The following NRG1 variants were observed in gnomAD, a reference collection of about 807,000 sequenced individuals.
The protein encoded by NRG1 is pro-neuregulin-1, membrane-bound isoform.
A neutral mutation model predicts 63.8 loss-of-function variants in NRG1; 18 were observed. The ratio of observed to expected loss-of-function variants is 0.28; its 90% confidence interval spans 0.19 to 0.42. The LOEUF (loss-of-function observed/expected upper bound fraction) is 0.42. Ranked by LOEUF, NRG1 falls within the 10% of genes least tolerant of loss-of-function variation. The pLI is 1.00. For synonymous variants in NRG1, 302 were observed against 301.3 expected, an observed-to-expected ratio of 1.00 and a Z score of -0.02; for missense variants, 762 against 814.7, an observed-to-expected ratio of 0.94 and a Z score of 0.79.
chr8:32,696,160 T>C (rs1813239722), intron 5 of NRG1, among the ~76,000 whole-genome samples: 1 of 152,186 alleles, frequency 6.6e-6, no homozygotes, highest in Non-Finnish European at 1.5e-5. Context: ...AAGGAAAATA[T>C]CTTCATCAAA....
chr8:32,348,498 TTTA>T (rs1805190577), intron 1 of NRG1, among the ~76,000 whole-genome samples: 1 of 152,210 alleles, frequency 6.6e-6, no homozygotes, highest in African/African-American at 2.4e-5. Context: ...CTGTGCATGA[TTTA>T]TTTTCTTTCT....
intron 1 of NRG1, among the ~76,000 whole-genome samples, chr8:32,542,344 C>CCAT (rs558751198): frequency 7.0e-4 from 106 of 152,068 alleles, no homozygotes; most frequent in African/African-American, 2.0e-3. Context: ...ATGCCCAGTA[C>CCAT]CATCATCATC....
chr8:32,501,330 A>G (rs1827826769), intron 1 of NRG1, among the ~76,000 whole-genome samples: 1 of 152,228 alleles, frequency 6.6e-6, no homozygotes, highest in African/African-American at 2.4e-5. Flanking sequence ...ATGATTTCTG[A>G]AAAATCAAAA....
At position 31,854,679 on chromosome 8, in the gene NRG1, T is replaced by C. The variant is rs576464738; in HGVS notation, c.37+215248T>C. Among the ~76,000 whole-genome samples, 55 of 152,286 alleles carry C rather than the reference T, an allele frequency of 3.6e-4. No individual in the cohort carries two copies. In the Middle Eastern group the frequency reaches 0.024, roughly 66 times the overall value. ...CTTTTGAATGTGTTTGCTCTTGCTT[T>C]TCTAGTTCCTTTAATTGTGATGTTA... On this transcript the variant is annotated intron_variant, in intron 1 of 10. Coordinates refer to the NRG1 transcript ENST00000519301.
chr8:31,917,559 G>A (rs1398303341), intron 1 of NRG1, among the ~76,000 whole-genome samples: 19 of 151,782 alleles, frequency 1.3e-4, no homozygotes, highest in East Asian at 3.9e-4. Context: ...TGTTCCATTG[G>A]TCTATATCTC....
chr8:32,326,415 C>T (rs1353479468), intron 1 of NRG1, among the ~76,000 whole-genome samples: 1 of 151,504 alleles, frequency 6.6e-6, no homozygotes, highest in Non-Finnish European at 1.5e-5. Context: ...GGGCTCAAGC[C>T]ATTCTCCCAT....
At chr8:32,028,177 T>A (rs1014534618) in intron 1 of NRG1, among the ~76,000 whole-genome samples, 3 of 152,140 alleles carry the variant, frequency 2.0e-5, no homozygotes, top group African/African-American at 7.2e-5. Flanking sequence ...GCTCTCATGG[T>A]TAGGGAAAGA....
chr8:31,976,937 C>T (rs1808290645), intron 1 of NRG1, among the ~76,000 whole-genome samples: 1 of 152,122 alleles, frequency 6.6e-6, no homozygotes, highest in Admixed American at 6.6e-5. Context: ...AAAATAGAGA[C>T]ATATTATTAC....
At chr8:32,077,376 A>C (rs201906829) in intron 1 of NRG1, among the ~76,000 whole-genome samples, 4 of 152,138 alleles carry the variant, frequency 2.6e-5, no homozygotes, top group Admixed American at 2.6e-4. Flanking sequence ...CCTCCCCCCC[A>C]AAAAATTGTT....
intron 1 of NRG1, among the ~76,000 whole-genome samples, chr8:31,704,840 A>G (rs867631448): frequency 1.3e-5 from 2 of 151,782 alleles, no homozygotes; most frequent in African/African-American, 2.4e-5. Context: ...TAAAAAAAAA[A>G]AAAAAAAAAG....
intron 1 of NRG1, among the ~76,000 whole-genome samples, chr8:31,739,037 T>C (rs1332769820): frequency 6.6e-6 from 1 of 152,128 alleles, no homozygotes; most frequent in African/African-American, 2.4e-5. Flanking sequence ...GTGTGTGTGG[T>C]GTGCACGTAT....
intron 1 of NRG1, among the ~76,000 whole-genome samples, chr8:32,168,328 T>G (rs1467418205): frequency 6.6e-6 from 1 of 152,200 alleles, no homozygotes. Flanking sequence ...CATGGGGATA[T>G]ATTACTGGTC....
chr8:31,650,381 A>G (rs1054330986), intron 1 of NRG1, among the ~76,000 whole-genome samples: 3 of 152,168 alleles, frequency 2.0e-5, no homozygotes, highest in Admixed American at 6.5e-5. Context: ...CTTAGCCTCA[A>G]TAAAGCCTTA....
intron 7 of NRG1, among the ~76,000 whole-genome samples, chr8:32,752,764 T>G (rs1828981278): frequency 6.6e-6 from 1 of 152,194 alleles, no homozygotes; most frequent in African/African-American, 2.4e-5. Flanking sequence ...CCTCCAACCC[T>G]TTTGATTTGT....
At chr8:32,647,729 T>A in intron 5 of NRG1, 2 of 1,568,378 alleles carry the variant, frequency 1.3e-6, no homozygotes, top group Non-Finnish European at 1.7e-6. Flanking sequence ...TGGAGATTTA[T>A]TCCCCAGACA....
chr8:32,082,411 C>T (rs1286959938), intron 1 of NRG1, among the ~76,000 whole-genome samples: 1 of 152,004 alleles, frequency 6.6e-6, no homozygotes, highest in Non-Finnish European at 1.5e-5. Context: ...TTTTTCACCT[C>T]TATGTGTCCA....
chr8:32,398,758 G>A (rs1041074375), intron 1 of NRG1, among the ~76,000 whole-genome samples: 1 of 152,078 alleles, frequency 6.6e-6, no homozygotes, highest in African/African-American at 2.4e-5. Flanking sequence ...CTCCTGCCAT[G>A]CTGAACAGTT....
intron 5 of NRG1, among the ~76,000 whole-genome samples, chr8:32,667,804 G>T (rs1668038805): frequency 6.6e-6 from 1 of 152,126 alleles, no homozygotes; most frequent in South Asian, 2.1e-4. Flanking sequence ...AAACCAGTTA[G>T]TTCAAAAATG....
chr8:32,175,268 A>G (rs1011034043), intron 1 of NRG1, among the ~76,000 whole-genome samples: 1 of 151,384 alleles, frequency 6.6e-6, no homozygotes, highest in Non-Finnish European at 1.5e-5. Flanking sequence ...AAGGCCTTTG[A>G]CAAAATTCAA....
Sources: allele counts gnomAD v4.1 joint callset (sites outside exome capture counted in the v4.1 genomes callset), GRCh38; gene constraint gnomAD v4.1.1; transcripts MANE v1.5; gene names NCBI Gene and HGNC (gene_info 2026-07-23, HGNC 2026-07-21).